Variants in SNORC observed in about 807,000 individuals in gnomAD.
SNORC encodes the protein secondary ossification center associated regulator of chondrocyte maturation.
In SNORC, 11 loss-of-function variants were observed where a neutral mutation model predicts 9.7. The ratio of observed to expected loss-of-function variants is 1.14; its 90% CI spans 0.72 to 1.88. The LOEUF (loss-of-function observed/expected upper bound fraction) is 1.88, where lower values mean the gene tolerates loss of function less well. Among genes scored for constraint, SNORC ranks in the 40% most tolerant of loss-of-function variants. SNORC has a pLI of 0.00. For synonymous variants in SNORC, 108 were observed against 88.7 expected, an observed-to-expected ratio of 1.22 and a Z score of -1.22; for missense variants, 197 against 173.1, an observed-to-expected ratio of 1.14 and a Z score of -0.77.
At chr2:232,869,834 C>A, upstream of SNORC, 1 of 190,072 alleles carries the variant, frequency 5.3e-6, no homozygotes, top group South Asian at 9.8e-5. Flanking sequence ...GAGCAGAGTC[C>A]GTCCTGCACT....
At position 232,876,082 on chromosome 2, in the gene SNORC, C is replaced by T. The variant is rs761464370; in HGVS notation, c.216C>T (p.Pro72=). The T allele has an allele frequency of 5.9e-6, 9 of 1,530,904 alleles. No homozygotes were observed. The Admixed American group carries it at 7.9e-5, about 13-fold the overall frequency. 94.8% of individuals were successfully genotyped at this position (1,530,904 alleles called of 1,614,324 possible). Residue 72 remains proline (P), a synonymous_variant, in exon 2 of 3, where the codon CCC becomes CCT. Coordinates refer to ENST00000331342, the Ensembl canonical transcript of SNORC. The surrounding 1 kb of genome is among the most constrained non-coding windows in gnomAD (Gnocchi z 6.8). ...CAGCCCCCACCGTCGCGCCAGGACC[C>T]GAGGACAGCACCGCGCAGGAGCGGC...
chr2:232,876,505 C>T, downstream of SNORC: 1 of 1,282,404 alleles, frequency 7.8e-7, no homozygotes. This position sits in a 1 kb window ranked among gnomAD's most constrained non-coding sequence, Gnocchi z 6.8. Context: ...GCGCGCGGGG[C>T]CGAGGGTGGG....
chr2:232,871,141 T>C (rs1435595032), intron 1 of SNORC, among the ~76,000 whole-genome samples: 1 of 152,142 alleles, frequency 6.6e-6, no homozygotes, highest in African/African-American at 2.4e-5. Context: ...CTGGCTTCTG[T>C]GTCACAGTAG....
chr2:232,876,037 G>A lies in SNORC; in HGVS notation c.171G>A (p.Glu57=), dbSNP rs1445024788. 4 of 1,543,908 alleles carry A rather than the reference G, an allele frequency of 2.6e-6. No homozygotes were observed. The highest frequency in any genetic ancestry group is 1.2e-5 in the South Asian group (1 of 84,182). Residue 57 remains glutamate (E), a synonymous_variant, in exon 2 of 3, where the codon GAG becomes GAA. Coordinates refer to ENST00000331342, the Ensembl canonical transcript of SNORC. This position sits in a 1 kb window ranked among gnomAD's most constrained non-coding sequence, Gnocchi z 6.8. ...TGGAGAGCACCAGCCCCGGCCGGGAGCCCGTGGACACCGGTCCCCCAGCCC... is the reference window on the plus strand; with the variant it reads ...TGGAGAGCACCAGCCCCGGCCGGGAACCCGTGGACACCGGTCCCCCAGCCC...
At chr2:232,869,449 G>T (rs1690944250), upstream of SNORC, among the ~76,000 whole-genome samples, 1 of 152,220 alleles carries the variant, frequency 6.6e-6, no homozygotes, top group Non-Finnish European at 1.5e-5. Context: ...GTGAGGGAAA[G>T]AGACACCTTT....
downstream of SNORC, chr2:232,877,229 G>T (rs1365132148): frequency 2.0e-6 from 2 of 985,368 alleles, no homozygotes; most frequent in African/African-American, 1.7e-5. Context: ...CCACGCCCAC[G>T]GTTGGTTTGT....
At chr2:232,870,363 C>T (rs199967566) in exon 1 of SNORC, 847 of 1,566,342 alleles carry the variant, frequency 5.4e-4, no homozygotes, top group Non-Finnish European at 6.4e-4. Context: ...TCTGGCCCTG[C>T]GCATGGCGCT....
At chr2:232,872,675 C>A (rs1169756573) in intron 1 of SNORC, among the ~76,000 whole-genome samples, 1 of 152,212 alleles carries the variant, frequency 6.6e-6, no homozygotes, top group South Asian at 2.1e-4. Flanking sequence ...CCGCCTGGCA[C>A]GCCGTGAGTT....
chr2:232,875,760 A>G (rs868595230), intron 1 of SNORC, 180 bp from the exon 2 acceptor site: 5 of 666,466 alleles, frequency 7.5e-6, no homozygotes, highest in Non-Finnish European at 1.2e-5. Context: ...GCCCTGCCCA[A>G]TGGGAGGCAG....
upstream of SNORC, chr2:232,869,950 C>T: frequency 9.2e-6 from 3 of 325,450 alleles, no homozygotes; most frequent in South Asian, 8.1e-5. Flanking sequence ...TGGCCAGAGG[C>T]AGCAGCATGT....
At chr2:232,877,309 AG>A, downstream of SNORC, 1 of 985,400 alleles carries the variant, frequency 1.0e-6, no homozygotes, top group Non-Finnish European at 1.2e-6. Flanking sequence ...GGGCGGAGTG[AG>A]GGTGAGGAGC....
chr2:232,874,001 A>C (rs1468109600), intron 1 of SNORC, among the ~76,000 whole-genome samples: 1 of 152,238 alleles, frequency 6.6e-6, no homozygotes, highest in Admixed American at 6.5e-5. Context: ...GCCTTGGGCC[A>C]GCCCTGGGGA....
chr2:232,875,439 C>T (rs1268594424), intron 1 of SNORC: 1 of 377,906 alleles, frequency 2.6e-6, no homozygotes. Flanking sequence ...AAGAGCCGAC[C>T]TACCATCCCC....
rs773934126 is a variant in SNORC, at chr2:232,870,319, C to T, written c.-23C>T. On this transcript the variant is annotated 5_prime_UTR_variant, in exon 1 of 3. Transcript: ENST00000331342. ...GCAGTCCTCCGTGCGTCCCGCCCGC[C>T]GCTGCCCTCACTCCCGGCCAGGATG... 3.1e-5 allele frequency: 48 copies of T among 1,551,178 alleles called. 1 individual carries two copies. Among genetic ancestry groups the T allele is most frequent in the Admixed American group, 1.2e-4 (6 of 51,196 alleles).
upstream of SNORC, among the ~76,000 whole-genome samples, chr2:232,869,405 C>T (rs961271158): frequency 6.6e-6 from 1 of 152,032 alleles, no homozygotes; most frequent in African/African-American, 2.4e-5. Context: ...AAGTAGGGGG[C>T]GCTGACAGAA....
upstream of SNORC, among the ~76,000 whole-genome samples, chr2:232,867,082 A>G (rs988236422): frequency 6.6e-6 from 1 of 152,116 alleles, no homozygotes; most frequent in Admixed American, 6.5e-5. Context: ...CGTGAGCCAC[A>G]GTGCCCAGCC....
At chr2:232,871,902 C>T (rs1691038883) in intron 1 of SNORC, among the ~76,000 whole-genome samples, 2 of 152,172 alleles carry the variant, frequency 1.3e-5, no homozygotes, top group South Asian at 4.1e-4. Context: ...GCCCAGGCTG[C>T]CGGCCAGAGT....
At chr2:232,868,150 C>CTTT (rs35855568), upstream of SNORC, among the ~76,000 whole-genome samples, 2 of 130,036 alleles carry the variant, frequency 1.5e-5, no homozygotes, top group Admixed American at 7.8e-5. Flanking sequence ...GTCATTTCAT[C>CTTT]TTTTTTTTTT....
At chr2:232,877,226 C>G (rs1024240875), downstream of SNORC, 26 of 985,418 alleles carry the variant, frequency 2.6e-5, no homozygotes, top group Non-Finnish European at 3.1e-5. Flanking sequence ...CCCCCACGCC[C>G]ACGGTTGGTT....
Sources: gnomAD v4.1 joint callset for allele counts (sites outside exome capture counted in the v4.1 genomes callset) on GRCh38, gnomAD v4.1.1 for gene constraint, Gnocchi (gnomAD v3.1) non-coding constraint, MANE v1.5 for transcripts, NCBI Gene and HGNC (gene_info 2026-07-23, HGNC 2026-07-21) for gene names.